The following PPP2R3B variants were observed in gnomAD, a reference collection of about 807,000 sequenced individuals.
PPP2R3B encodes the protein serine/threonine-protein phosphatase 2A regulatory subunit B'' subunit beta.
A neutral mutation model predicts 72.9 loss-of-function variants in PPP2R3B; 68 were observed. The observed-to-expected ratio is 0.93, with a 90% confidence interval of 0.77 to 1.14. PPP2R3B has a LOEUF of 1.14. PPP2R3B is among the 50% of genes most tolerant of loss of function. The probability of loss-of-function intolerance (pLI) is 0.00; values close to 1 mark genes in which losing one functional copy is unlikely to be tolerated. For synonymous variants in PPP2R3B, 466 were observed against 375.8 expected, an observed-to-expected ratio of 1.24 and a Z score of -2.78; for missense variants, 1,018 against 842.0, an observed-to-expected ratio of 1.21 and a Z score of -2.59.
intron 1 of PPP2R3B, 127 bp downstream of exon 1, chrX:386,241 G>C: frequency 4.5e-6 from 3 of 673,250 alleles, no homozygotes; most frequent in African/African-American, 1.9e-5. Context: ...TCGGGGCGGG[G>C]AACAGACTCA....
chrX:345,998 T>TGG (rs1283431284), intron 6 of PPP2R3B, among the ~76,000 whole-genome samples, 176 bp downstream of exon 6: 1 of 127,144 alleles, frequency 7.9e-6, no homozygotes, highest in Non-Finnish European at 1.7e-5. Flanking sequence ...GGCGGCGGGG[T>TGG]TCCAGTGCTC....
chrX:373,251 C>G (rs772383426), intron 1 of PPP2R3B, among the ~76,000 whole-genome samples: 341 of 152,348 alleles, frequency 2.2e-3, no homozygotes, highest in African/African-American at 7.5e-3. Context: ...AGCCAAAACT[C>G]CCGGGAAAGG....
chrX:358,840 T>C (rs190347844), intron 2 of PPP2R3B, among the ~76,000 whole-genome samples: 4,120 of 138,822 alleles, frequency 0.03, 204 homozygotes, highest in African/African-American at 0.1. Flanking sequence ...GGAGGCGCCG[T>C]TGGGGAGAAG....
intron 2 of PPP2R3B, among the ~76,000 whole-genome samples, chrX:356,036 A>G (rs2071427278): frequency 6.6e-6 from 1 of 152,216 alleles, no homozygotes; most frequent in Non-Finnish European, 1.5e-5. Context: ...AACTGATGAG[A>G]AAGAAACACG....
At chrX:381,272 G>A (rs1603142326) in intron 1 of PPP2R3B, among the ~76,000 whole-genome samples, 1 of 152,088 alleles carries the variant, frequency 6.6e-6, no homozygotes, top group Non-Finnish European at 1.5e-5. Context: ...AAGACGGGAA[G>A]GAGCCACTGC....
chrX:359,785 C>T (rs1354697171), intron 2 of PPP2R3B: 1 of 491,238 alleles, frequency 2.0e-6, no homozygotes, highest in African/African-American at 2.0e-5. Context: ...CATAATTGCT[C>T]ATATTAAAAG....
intron 2 of PPP2R3B, among the ~76,000 whole-genome samples, chrX:358,476 C>T (rs567634724): frequency 9.8e-4 from 150 of 152,362 alleles, no homozygotes; most frequent in South Asian, 3.5e-3. Flanking sequence ...TCTCGGACTC[C>T]CAGCGGTGCA....
intron 1 of PPP2R3B, among the ~76,000 whole-genome samples, chrX:378,186 C>T (rs1488522335): frequency 2.0e-5 from 3 of 152,210 alleles, no homozygotes; most frequent in Admixed American, 6.5e-5. Flanking sequence ...ACAACATTGC[C>T]ATCTGGGCCG....
At chrX:384,306 T>A (rs1215040161) in intron 1 of PPP2R3B, among the ~76,000 whole-genome samples, 1 of 150,108 alleles carries the variant, frequency 6.7e-6, no homozygotes, top group Non-Finnish European at 1.5e-5. Context: ...ATACTTTTTT[T>A]TTTTTTTTGA....
intron 2 of PPP2R3B, among the ~76,000 whole-genome samples, chrX:348,492 C>G (rs1428944046): frequency 6.6e-6 from 1 of 151,098 alleles, no homozygotes; most frequent in Non-Finnish European, 1.5e-5. Flanking sequence ...AGGAGAATCA[C>G]TTGATCCTGG....
At chrX:334,775 C>T in intron 12 of PPP2R3B, 1 of 420,528 alleles carries the variant, frequency 2.4e-6, no homozygotes, top group South Asian at 6.6e-5. Flanking sequence ...GAGCTACACA[C>T]AGAGGACCTG....
Position 376,397 on chromosome X carries a change from G to A in PPP2R3B, c.324+9971C>T, listed in dbSNP as rs150741799. Among the ~76,000 whole-genome samples, 929 of 152,162 alleles carry A rather than the reference G, an allele frequency of 6.1e-3. 8 individuals are homozygous for A. Among genetic ancestry groups the A allele is most frequent in the Middle Eastern group, 0.021 (6 of 290 alleles). On this transcript the variant is annotated intron_variant, in intron 1 of 12. Coordinates refer to ENST00000390665, the MANE Select transcript of PPP2R3B (RefSeq NM_013239.5). ...GTGCAGCCACAGGGCTGTCTACACC[G>A]GATGGGGGAGGGACAGGGCTGTCCA...
At chrX:349,652 G>A (rs751625741) in intron 2 of PPP2R3B, among the ~76,000 whole-genome samples, 2 of 152,308 alleles carry the variant, frequency 1.3e-5, no homozygotes, top group African/African-American at 4.8e-5. Flanking sequence ...AGTATCTTCA[G>A]CAAAGTTGCT....
At chrX:379,288 T>C (rs938366048) in intron 1 of PPP2R3B, among the ~76,000 whole-genome samples, 1 of 151,460 alleles carries the variant, frequency 6.6e-6, no homozygotes, top group Non-Finnish European at 1.5e-5. Flanking sequence ...CCTGTGTGTA[T>C]GTATCTGTGT....
In PPP2R3B at chrX:386,606, T is replaced by G. The variant is rs373701551; in HGVS notation, c.86A>C (p.Gln29Pro). The G allele has an allele frequency of 2.7e-5, 39 of 1,449,764 alleles. No homozygotes were observed. Among genetic ancestry groups the G allele is most frequent in the Non-Finnish European group, 9.1e-7 (1 of 1,102,172 alleles). The allele number at this position is 1,449,764 out of a possible 1,614,324, so 89.8% of individuals were successfully genotyped here. ...FLYWLSEAST[Q>P]RMLQDCLRRI... is the part of the protein sequence containing the mutation. ...GCGCAGGCAGTCCTGCAGCATCCGC[T>G]GCGTGCTGGCCTCGCTGAGCCAGTA... Residue 29 changes from glutamine (Q) to proline (P), a missense_variant, in exon 1 of 13, where the codon CAG becomes CCG. Physicochemically the swap from Gln to Pro is moderately conservative, Grantham distance 76. Transcript: ENST00000390665.
In PPP2R3B at chrX:338,965, C is replaced by T. The variant is rs1367591911; in HGVS notation, c.1352-69G>A. Reference sequence around the variant, plus strand: ...ACCTTCGGGGCCTGGGTGTGGGGTGCGCGCGTCCTGTCACACGTGCTTAAG... The same window carrying T: ...ACCTTCGGGGCCTGGGTGTGGGGTGTGCGCGTCCTGTCACACGTGCTTAAG... On this transcript the variant is annotated intron_variant, in intron 10 of 12. Coordinates refer to ENST00000390665, the MANE Select transcript of PPP2R3B (RefSeq NM_013239.5). The T allele has an allele frequency of 5.6e-5, 73 of 1,303,442 alleles. No individual in the cohort carries two copies. In the Middle Eastern group the frequency reaches 2.1e-3, roughly 37 times the overall value. 80.7% of individuals were successfully genotyped at this position (1,303,442 alleles called of 1,614,324 possible).
At chrX:368,572 G>A (rs1271353233) in intron 1 of PPP2R3B, among the ~76,000 whole-genome samples, 4 of 119,350 alleles carry the variant, frequency 3.4e-5, no homozygotes, top group African/African-American at 6.8e-5. Flanking sequence ...GGGGAAGGCC[G>A]GGACCACCCA....
chrX:347,101 G>C, intron 4 of PPP2R3B, 133 bp downstream of exon 4: 1 of 1,098,496 alleles, frequency 9.1e-7, no homozygotes, highest in Non-Finnish European at 1.4e-6. Context: ...CATGAGGTGT[G>C]CGGTGTAGAC....
Position 368,782 on chromosome X carries a change from A to G in PPP2R3B, c.325-7192T>C, listed in dbSNP as rs867256108. 5.7e-3 allele frequency among the ~76,000 whole-genome samples: 262 copies of G among 46,038 alleles called. 1 individual carries two copies. The highest frequency in any genetic ancestry group is 8.7e-3 in the African/African-American group (86 of 9,902). The allele number at this position is 46,038 out of a possible 152,430, so 30.2% of individuals were successfully genotyped here. A position where few individuals can be genotyped will look rare whatever the true frequency, so the allele number is the denominator to read the frequency against. On this transcript the variant is annotated intron_variant, in intron 1 of 12. Coordinates refer to ENST00000390665, the MANE Select transcript of PPP2R3B (RefSeq NM_013239.5). ...GGGACCACCCACCTTGGGCACCGAC[A>G]CGGGGAAGGCCGGGACCACCCACCC...
Sources: allele counts gnomAD v4.1 joint callset (sites outside exome capture counted in the v4.1 genomes callset), GRCh38; gene constraint gnomAD v4.1.1; transcripts MANE v1.5; gene names NCBI Gene and HGNC (gene_info 2026-07-23, HGNC 2026-07-21).